DLGAP4: variants seen among roughly 807,000 people sequenced by gnomAD.
The protein encoded by DLGAP4 is DLG associated protein 4.
DLGAP4 carries 18 observed loss-of-function variants against 86.9 expected under a neutral mutation model. The observed-to-expected ratio is 0.21, with a 90% CI of 0.14 to 0.31. The LOEUF is 0.31. Among genes scored for constraint, DLGAP4 ranks in the 10% least tolerant of loss-of-function variants. The probability of loss-of-function intolerance (pLI) is 1.00; values close to 1 mark genes in which losing one functional copy is unlikely to be tolerated. For missense variants in DLGAP4, 1,085 were observed against 1,362.6 expected (o/e 0.80, Z 3.21); for synonymous variants, 548 against 574.3 (o/e 0.95, Z 0.65).
intron 7 of DLGAP4, among the ~76,000 whole-genome samples, chr20:36,494,984 G>GTTTTTT (rs752411826): frequency 5.4e-3 from 404 of 75,370 alleles, no homozygotes; most frequent in Non-Finnish European, 6.6e-3. Context: ...TTTTTGTTCG[G>GTTTTTT]TTTTTTTTTT....
intron 2 of DLGAP4, among the ~76,000 whole-genome samples, chr20:36,409,811 A>C (rs1384412979): frequency 6.6e-6 from 1 of 151,850 alleles, no homozygotes; most frequent in East Asian, 1.9e-4. Flanking sequence ...AGGTGGGCGG[A>C]TCACGAGGTC....
At chr20:36,440,326 T>C (rs2033411880) in intron 5 of DLGAP4, among the ~76,000 whole-genome samples, 2 of 152,138 alleles carry the variant, frequency 1.3e-5, no homozygotes, top group African/African-American at 4.8e-5. Context: ...GAAGGCGGTG[T>C]GCTCAGCAGA....
rs150479293 is a variant in DLGAP4, at chr20:36,377,557, C to G, written c.-73+10282C>G. 3.8e-3 allele frequency among the ~76,000 whole-genome samples: 576 copies of G among 152,342 alleles called. 5 individuals carry two copies. Among genetic ancestry groups the G allele is most frequent in the Middle Eastern group, 0.027 (8 of 294 alleles). ...CGCTAGATTCCTGGGCGTGTCACTTCCATCTGAGAGCCTCAGGCGCCTCTG... is the reference window on the plus strand; with the variant it reads ...CGCTAGATTCCTGGGCGTGTCACTTGCATCTGAGAGCCTCAGGCGCCTCTG... On this transcript the variant is annotated intron_variant, in intron 2 of 12. Transcript: ENST00000339266.
In DLGAP4 at chr20:36,525,992, C is replaced by G; in HGVS notation, c.2746C>G (p.Pro916Ala). ...CAACAGCTGGCAGCTGGTGGAGACCCCCGAGAAGAGGAAGGTGAGCATGGA... is the reference window on the plus strand; with the variant it reads ...CAACAGCTGGCAGCTGGTGGAGACCGCCGAGAAGAGGAAGGTGAGCATGGA... Reference protein sequence around the residue: ...KANSWQLVETPEKRKEEKKPP... With the variant: ...KANSWQLVETAEKRKEEKKPP... The change falls in exon 12 of 13, where the codon CCC becomes GCC. Residue 916 changes from proline (P) to alanine (A), a missense_variant. Around this residue, in one of 2 missense-constraint regions of DLGAP4, gnomAD observed 1,082 missense variants for 1,344.1 expected, o/e 0.81. Coordinates refer to ENST00000339266, the MANE Select transcript of DLGAP4 (RefSeq NM_001365621.2). 6.2e-7 allele frequency: 1 copy of G among 1,612,544 alleles called. No homozygotes were observed. Among genetic ancestry groups the G allele is most frequent in the Non-Finnish European group, 8.5e-7 (1 of 1,179,508 alleles).
intron 2 of DLGAP4, among the ~76,000 whole-genome samples, chr20:36,426,688 A>C (rs571540512): frequency 1.3e-5 from 2 of 152,308 alleles, no homozygotes; most frequent in African/African-American, 2.4e-5. Context: ...TGCCCCACTG[A>C]ATTGCACGCT....
chr20:36,427,463 G>C (rs1285276063), intron 2 of DLGAP4, among the ~76,000 whole-genome samples: 2 of 141,818 alleles, frequency 1.4e-5, no homozygotes, highest in African/African-American at 5.1e-5. Flanking sequence ...GGGTGACAGA[G>C]TGAGAGTCCA....
intron 6 of DLGAP4, among the ~76,000 whole-genome samples, chr20:36,445,850 A>G (rs926300495): frequency 6.6e-6 from 1 of 152,208 alleles, no homozygotes; most frequent in South Asian, 2.1e-4. Flanking sequence ...GGCCTGAGAC[A>G]TGGGTCAGAT....
intron 1 of DLGAP4, among the ~76,000 whole-genome samples, chr20:36,328,864 C>T (rs2065241416): frequency 6.6e-6 from 1 of 152,076 alleles, no homozygotes; most frequent in Admixed American, 6.5e-5. Flanking sequence ...CAACCTCCAC[C>T]TCCTGGGTTC....
At chr20:36,470,325 G>A (rs1392835061) in intron 7 of DLGAP4, among the ~76,000 whole-genome samples, 1 of 152,074 alleles carries the variant, frequency 6.6e-6, no homozygotes, top group East Asian at 1.9e-4. Context: ...CAGTGTCCAG[G>A]CTTCCTCAGT....
chr20:36,318,555 G>A (rs1569453125), intron 1 of DLGAP4, among the ~76,000 whole-genome samples: 1 of 152,090 alleles, frequency 6.6e-6, no homozygotes, highest in African/African-American at 2.4e-5. Context: ...TAAATTTTTT[G>A]TAAAGATAGG....
chr20:36,481,904 T>G (rs1034390593), intron 7 of DLGAP4, among the ~76,000 whole-genome samples: 1 of 152,172 alleles, frequency 6.6e-6, no homozygotes, highest in South Asian at 2.1e-4. Flanking sequence ...CACTAAGCCA[T>G]TTTTCCACAT....
intron 6 of DLGAP4, 152 bp downstream of exon 6, chr20:36,442,929 C>T (rs889862633): frequency 3.2e-6 from 3 of 936,140 alleles, no homozygotes; most frequent in Admixed American, 1.9e-5. Context: ...AGTTGAGGGT[C>T]ACATTGGTGT....
chr20:36,507,154 G>T (rs1040386975), intron 10 of DLGAP4, among the ~76,000 whole-genome samples: 5 of 151,902 alleles, frequency 3.3e-5, no homozygotes, highest in Admixed American at 1.3e-4. Context: ...AAATTGCAAG[G>T]CTCTCTGATT....
chr20:36,472,298 TAAA>T (rs1293355949), intron 7 of DLGAP4, among the ~76,000 whole-genome samples: 23 of 152,012 alleles, frequency 1.5e-4, no homozygotes, highest in African/African-American at 5.6e-4. Flanking sequence ...GCTCAGGAGT[TAAA>T]GACCAGTCTG....
intron 10 of DLGAP4, among the ~76,000 whole-genome samples, chr20:36,522,223 T>TA (rs1176920506): frequency 6.6e-6 from 1 of 152,122 alleles, no homozygotes; most frequent in East Asian, 1.9e-4. Context: ...GGTGCCATCA[T>TA]AGTTCACTGC....
chr20:36,332,165 T>C (rs1226808326), intron 1 of DLGAP4, among the ~76,000 whole-genome samples: 5 of 151,950 alleles, frequency 3.3e-5, no homozygotes, highest in African/African-American at 1.2e-4. Context: ...GCTGGGCCAG[T>C]CATCTGGACG....
At chr20:36,428,670 C>T (rs2033045712) in intron 2 of DLGAP4, among the ~76,000 whole-genome samples, 2 of 152,200 alleles carry the variant, frequency 1.3e-5, no homozygotes, top group East Asian at 1.9e-4. Flanking sequence ...GTGGGGCCTG[C>T]GTTAAGAGTC....
intron 10 of DLGAP4, among the ~76,000 whole-genome samples, chr20:36,519,960 T>G (rs911980835): frequency 2.0e-5 from 3 of 151,920 alleles, no homozygotes; most frequent in East Asian, 1.9e-4. Flanking sequence ...CCAGTTTGTT[T>G]TTTTTTTTTT....
intron 1 of DLGAP4, among the ~76,000 whole-genome samples, chr20:36,345,228 C>G (rs990292569): frequency 5.9e-5 from 9 of 152,338 alleles, no homozygotes; most frequent in Admixed American, 1.3e-4. Context: ...GCAAAGGGAC[C>G]ATCTTCAGAG....
Sources: gnomAD v4.1 joint callset for allele counts (sites outside exome capture counted in the v4.1 genomes callset) on GRCh38, gnomAD v4.1.1 for gene constraint, gnomAD v4.1.1 regional missense constraint, MANE v1.5 for transcripts, NCBI Gene and HGNC (gene_info 2026-07-23, HGNC 2026-07-21) for gene names.